Variants in MYOF observed in about 807,000 individuals in gnomAD.
MYOF encodes the protein fer-1-like 3, myoferlin.
Under a neutral mutation model 284.2 loss-of-function variants are expected in MYOF, and 244 were observed. The observed-to-expected ratio is 0.86, with a 90% CI of 0.77 to 0.95. The LOEUF (loss-of-function observed/expected upper bound fraction) is 0.95. MYOF is among the 40% of genes least tolerant of loss of function. The probability of loss-of-function intolerance (pLI) is 0.00; values close to 1 mark genes in which losing one functional copy is unlikely to be tolerated. For missense variants in MYOF, 2,496 were observed against 2,560.6 expected, an observed-to-expected ratio of 0.97 and a Z score of 0.54; for synonymous variants, 904 against 919.7, an observed-to-expected ratio of 0.98 and a Z score of 0.31.
At chr10:93,438,368 T>A (rs965601663) in intron 3 of MYOF, among the ~76,000 whole-genome samples, 1 of 152,112 alleles carries the variant, frequency 6.6e-6, no homozygotes, top group Non-Finnish European at 1.5e-5. Context: ...TAATTCTTTC[T>A]CAACACGCCC....
At chr10:93,386,647 C>A (rs1190932710) in intron 19 of MYOF, among the ~76,000 whole-genome samples, 3 of 152,130 alleles carry the variant, frequency 2.0e-5, no homozygotes, top group Non-Finnish European at 4.4e-5. Context: ...ACAGATGTTC[C>A]CAACATGTAA....
At chr10:93,326,484 G>T in intron 45 of MYOF, among the ~76,000 whole-genome samples, 1 of 152,342 alleles carries the variant, frequency 6.6e-6, no homozygotes, top group African/African-American at 2.4e-5. Context: ...AGGGACCTGG[G>T]TTCATGGAGC....
At chr10:93,344,708 G>T (rs1169379121) in intron 37 of MYOF, among the ~76,000 whole-genome samples, 1 of 110,792 alleles carries the variant, frequency 9.0e-6, no homozygotes, top group Non-Finnish European at 1.7e-5. Context: ...TTCTGCACAT[G>T]TATCCCAGAA....
intron 1 of MYOF, among the ~76,000 whole-genome samples, chr10:93,458,351 C>T (rs1683201117): frequency 6.6e-6 from 1 of 151,444 alleles, no homozygotes; most frequent in African/African-American, 2.4e-5. Context: ...AGACCCTGTC[C>T]AAAAACAAAA....
Position 93,333,904 on chromosome 10 carries a change from G to C in MYOF, c.4573C>G (p.Arg1525Gly), listed in dbSNP as rs201634420. 4.3e-6 allele frequency: 7 copies of C among 1,613,816 alleles called. No homozygotes were observed. In the East Asian group the frequency reaches 1.1e-4, roughly 26 times the overall value. Reference protein sequence around the residue: ...SVVGEFKGSFRIYPLPDDPSV... With the variant: ...SVVGEFKGSFGIYPLPDDPSV... ...GGGTCATCCGGCAGAGGGTAGATCC[G>C]AAAGGAGCCCTAAAAGAGAGAGACA... is the stretch of plus-strand genomic sequence containing the variant. The change falls in exon 42 of 54, where the codon CGG becomes GGG. Residue 1525 changes from arginine (R) to glycine (G), a missense_variant. Around this residue, in one of 3 missense-constraint regions of MYOF, gnomAD observed 2,436 missense variants for 2,480.7 expected, o/e 0.98. Coordinates refer to ENST00000359263, the MANE Select transcript of MYOF (RefSeq NM_013451.4).
At position 93,351,248 on chromosome 10, in the gene MYOF, T is replaced by C. The variant is rs35669278; in HGVS notation, c.3870A>G (p.Leu1290=). Residue 1290 remains leucine, a synonymous_variant, in exon 35 of 54, where the codon CTA becomes CTG. Coordinates refer to ENST00000359263, the MANE Select transcript of MYOF (RefSeq NM_013451.4). The part of the protein sequence containing the change: ...PILPPQRAPN[L]YMVPQGIRPV... ...GCCTGATCCCCTGGGGGACCATGTA[T>C]AGATTTGGCGCCCTTTGAGGGGGAA... The C allele has an allele frequency of 0.059, 95,742 of 1,614,008 alleles. 3,203 individuals are homozygous for C. Among genetic ancestry groups the C allele is most frequent in the Middle Eastern group, 0.12 (711 of 6,060 alleles).
chr10:93,430,452 C>T (rs967905389), intron 4 of MYOF, among the ~76,000 whole-genome samples: 1 of 151,716 alleles, frequency 6.6e-6, no homozygotes, highest in African/African-American at 2.4e-5. Flanking sequence ...CATGGTGGCA[C>T]GTGCCTATAA....
intron 16 of MYOF, among the ~76,000 whole-genome samples, chr10:93,394,443 C>CTTTTT (rs1193314228): frequency 6.8e-5 from 4 of 58,906 alleles, no homozygotes; most frequent in Non-Finnish European, 1.1e-4. Flanking sequence ...TGGTCACCAT[C>CTTTTT]TTGTCTTTTT....
chr10:93,475,339 A>T (rs1285249007), intron 1 of MYOF, among the ~76,000 whole-genome samples: 2 of 152,218 alleles, frequency 1.3e-5, no homozygotes, highest in African/African-American at 2.4e-5. Flanking sequence ...CGTTTCATGT[A>T]TGAAGGTTCA....
At chr10:93,394,190 C>T (rs1846841954) in intron 16 of MYOF, among the ~76,000 whole-genome samples, 1 of 152,084 alleles carries the variant, frequency 6.6e-6, no homozygotes, top group Admixed American at 6.6e-5. Flanking sequence ...CAACCTCCAC[C>T]TCCAGGATTC....
Position 93,328,884 on chromosome 10 carries a change from T to A in MYOF, c.5010A>T (p.Gln1670His), listed in dbSNP as rs1245410901. ...CVSGVNTWRD[Q>H]LRPTQLLQNV... ...TTTGAAGCAGCTGTGTTGGTCTCAGTTGATCTCGCCAGGTATTGACTCCAG... is the reference window on the plus strand; with the variant it reads ...TTTGAAGCAGCTGTGTTGGTCTCAGATGATCTCGCCAGGTATTGACTCCAG... Residue 1670 changes from glutamine to histidine, a missense_variant, in exon 45 of 54, where the codon CAA becomes CAT. Around this residue, in one of 3 missense-constraint regions of MYOF, gnomAD observed 2,436 missense variants for 2,480.7 expected, o/e 0.98. Coordinates refer to ENST00000359263, the MANE Select transcript of MYOF (RefSeq NM_013451.4). 1 of 1,612,458 alleles carries A rather than the reference T, an allele frequency of 6.2e-7. No homozygotes were observed. Among genetic ancestry groups the A allele is most frequent in the Non-Finnish European group, 8.5e-7 (1 of 1,178,714 alleles).
intron 40 of MYOF, 145 bp from the exon 41 acceptor site, chr10:93,336,191 C>T (rs1843600356): frequency 1.2e-5 from 10 of 849,320 alleles, no homozygotes; most frequent in Middle Eastern, 3.1e-4. Context: ...TAGACAGATA[C>T]AACCACTTTG....
chr10:93,307,701 TG>T (rs1842183807), intron 53 of MYOF, among the ~76,000 whole-genome samples: 1 of 150,932 alleles, frequency 6.6e-6, no homozygotes, highest in African/African-American at 2.4e-5. Context: ...CTCCAGTCAC[TG>T]CAACCTTTGC....
chr10:93,372,933 C>A lies in MYOF; in HGVS notation c.2454G>T (p.Leu818=). The change falls in exon 24 of 54, where the codon CTG becomes CTT. Residue 818 remains leucine (L), a synonymous_variant. Transcript: ENST00000359263. ...KYCGKTQTIF[L]KYPQEKNNGP... is the part of the protein sequence containing the mutation. Reference sequence around the variant, plus strand: ...ATGACACAGTGAAGATATGTACCTTCAGAAAGATGGTTTGGGTTTTCCCAC... The same window carrying A: ...ATGACACAGTGAAGATATGTACCTTAAGAAAGATGGTTTGGGTTTTCCCAC... 1.9e-6 allele frequency: 3 copies of A among 1,614,170 alleles called. No homozygotes were observed. Among genetic ancestry groups the A allele is most frequent in the Non-Finnish European group, 2.5e-6 (3 of 1,180,016 alleles).
chr10:93,308,621 T>G (rs1326606427), intron 53 of MYOF, among the ~76,000 whole-genome samples: 1 of 150,738 alleles, frequency 6.6e-6, no homozygotes, highest in African/African-American at 2.4e-5. Flanking sequence ...CAGCTACGAC[T>G]GTATAATAGT....
rs1191475776 is a variant in MYOF at position 93,333,767 on chromosome 10, G to A, written c.4710C>T (p.Asn1570=). The A allele has an allele frequency of 6.2e-7, 1 of 1,614,164 alleles. No homozygotes were observed. The highest frequency in any genetic ancestry group is 8.5e-7 in the Non-Finnish European group (1 of 1,179,998). Reference sequence around the variant, plus strand: ...ACACCCAAACTCTTACCAGGCCATTGTTGTCCTGGGGCTGGAGCTCTAAGC... The same window carrying A: ...ACACCCAAACTCTTACCAGGCCATTATTGTCCTGGGGCTGGAGCTCTAAGC... ...VRGLELQPQD[N]NGLCDPYIKI... is the part of the protein sequence containing the mutation. Residue 1570 remains asparagine, a synonymous_variant, in exon 42 of 54, where the codon AAC becomes AAT. Transcript: ENST00000359263.
At chr10:93,322,725 GC>G (rs1842893897) in intron 48 of MYOF, among the ~76,000 whole-genome samples, 1 of 152,124 alleles carries the variant, frequency 6.6e-6, no homozygotes, top group South Asian at 2.1e-4. Flanking sequence ...TGTTTCTAAG[GC>G]TAGTTATTCA....
Position 93,401,459 on chromosome 10 carries a change from G to A in MYOF, c.1076C>T (p.Thr359Ile), listed in dbSNP as rs775050523. 15 of 1,614,138 alleles carry A rather than the reference G, an allele frequency of 9.3e-6. No homozygotes were observed. Among genetic ancestry groups the A allele is most frequent in the Non-Finnish European group, 1.3e-5 (15 of 1,180,014 alleles). Residue 359 changes from threonine (T) to isoleucine (I), a missense_variant, in exon 12 of 54, where the codon ACC becomes ATC. This residue lies in a region of MYOF where 2,436 missense variants were observed against 2,480.7 expected (regional missense o/e 0.98). Transcript: ENST00000359263. Reference sequence around the variant, plus strand: ...AGCTCGGTAGATTTTCAGCAAGAAGGTCACCCACCGGAGGGCAATGCCAGC... The same window carrying A: ...AGCTCGGTAGATTTTCAGCAAGAAGATCACCCACCGGAGGGCAATGCCAGC... Reference protein sequence around the residue: ...LPAGIALRWVTFLLKIYRAED... With the variant: ...LPAGIALRWVIFLLKIYRAED...
chr10:93,328,777 C>T lies in MYOF; in HGVS notation c.5117G>A (p.Ser1706Asn). 1.9e-6 allele frequency: 3 copies of T among 1,611,974 alleles called. No homozygotes were observed. The highest frequency in any genetic ancestry group is 2.5e-6 in the Non-Finnish European group (3 of 1,178,174). The change falls in exon 45 of 54, where the codon AGC becomes AAC. Residue 1706 changes from serine to asparagine, a missense_variant. Around this residue, in one of 3 missense-constraint regions of MYOF, gnomAD observed 2,436 missense variants for 2,480.7 expected, o/e 0.98. Transcript: ENST00000359263. ...TAGGTGCTCACCAAATTCATCCAAG[C>T]TGTAGTCTCGTCCTCCATATCTGAT... is the stretch of plus-strand genomic sequence containing the variant. The part of the protein sequence containing the change: ...SRIRYGGRDY[S>N]LDEFEANKIL...
Sources: allele counts gnomAD v4.1 joint callset (sites outside exome capture counted in the v4.1 genomes callset), GRCh38; gene constraint gnomAD v4.1.1; regional missense constraint gnomAD v4.1.1; transcripts MANE v1.5; gene names NCBI Gene and HGNC (gene_info 2026-07-23, HGNC 2026-07-21).